Variants in ZYG11B observed in about 807,000 individuals in gnomAD.
The protein encoded by ZYG11B is protein zyg-11 homolog B.
Under a neutral mutation model 82.4 loss-of-function variants are expected in ZYG11B, and 36 were observed. The observed-to-expected ratio is 0.44, with a 90% CI of 0.33 to 0.58. The LOEUF (loss-of-function observed/expected upper bound fraction) is 0.58. Ranked by LOEUF, ZYG11B falls within the 20% of genes least tolerant of loss-of-function variation. The pLI is 0.02. For synonymous variants in ZYG11B, 303 were observed against 312.8 expected (o/e 0.97, Z 0.33); for missense variants, 552 against 895.6 (o/e 0.62, Z 4.90).
Position 52,774,578 on chromosome 1 carries a change from A to AT in ZYG11B, c.951+2806dup, listed in dbSNP as rs1248414226. ...TGCCTCGGCCTCCTAAAGTGCTAGGATTACAGGCGTGAGCCACTGTGCCTG... is the reference window on the plus strand; with the variant it reads ...TGCCTCGGCCTCCTAAAGTGCTAGGATTTACAGGCGTGAGCCACTGTGCCTG... On this transcript the variant is annotated intron_variant, in intron 3 of 13. Coordinates refer to ENST00000294353, the MANE Select transcript of ZYG11B (RefSeq NM_024646.3). Among the ~76,000 whole-genome samples, 13 of 138,776 alleles carry AT rather than the reference A, an allele frequency of 9.4e-5. No homozygotes were observed. The South Asian group carries it at 2.8e-3, about 30-fold the overall frequency. 91.0% of individuals were successfully genotyped at this position (138,776 alleles called of 152,430 possible).
At chr1:52,741,394 C>T (rs1644430772) in intron 1 of ZYG11B, among the ~76,000 whole-genome samples, 1 of 151,126 alleles carries the variant, frequency 6.6e-6, no homozygotes, top group Non-Finnish European at 1.5e-5. Context: ...GATGAGAAGT[C>T]AGAGATATCT....
intron 5 of ZYG11B, among the ~76,000 whole-genome samples, chr1:52,786,457 G>A (rs1644912622): frequency 6.6e-6 from 1 of 152,042 alleles, no homozygotes; most frequent in Non-Finnish European, 1.5e-5. Context: ...TAAAAACAAT[G>A]TTCACAGTAG....
intron 10 of ZYG11B, among the ~76,000 whole-genome samples, chr1:52,804,720 A>C (rs1040211270): frequency 6.6e-6 from 1 of 152,168 alleles, no homozygotes; most frequent in Non-Finnish European, 1.5e-5. Context: ...GTAAAGATCA[A>C]ATGTTTTATC....
intron 5 of ZYG11B, 114 bp from the exon 6 acceptor site, chr1:52,789,889 A>G: frequency 3.0e-6 from 2 of 659,116 alleles, no homozygotes; most frequent in African/African-American, 1.8e-5. Context: ...ATTGTAAGAA[A>G]TAACTGGTGT....
intron 12 of ZYG11B, among the ~76,000 whole-genome samples, chr1:52,814,241 G>A (rs894060632): frequency 6.6e-6 from 1 of 152,128 alleles, no homozygotes. Flanking sequence ...GGCTGGTCTT[G>A]AACTCCTGAC....
chr1:52,791,197 TCCTGACCTCAAGTAATCCAC>T (rs1345405139), intron 6 of ZYG11B, among the ~76,000 whole-genome samples: 1 of 152,028 alleles, frequency 6.6e-6, no homozygotes. Context: ...GGTCTCAAAC[TCCTGACCTCAAGTAATCCAC>T]CCACCTCAGC....
intron 1 of ZYG11B, among the ~76,000 whole-genome samples, chr1:52,738,991 T>A (rs1457075176): frequency 7.0e-6 from 1 of 143,706 alleles, no homozygotes; most frequent in Non-Finnish European, 1.5e-5. Context: ...TAACCTTTTT[T>A]TTTTTTTGGA....
intron 2 of ZYG11B, among the ~76,000 whole-genome samples, chr1:52,766,109 A>AT (rs140243986): frequency 0.1 from 14,311 of 142,928 alleles, 1,666 homozygotes; most frequent in East Asian, 0.35. Flanking sequence ...TCCTTATTAA[A>AT]TTTTTTTTAA....
chr1:52,728,902 T>C (rs1025123859), intron 1 of ZYG11B, among the ~76,000 whole-genome samples: 3 of 151,836 alleles, frequency 2.0e-5, no homozygotes, highest in African/African-American at 7.3e-5. Flanking sequence ...GGAATTAGGA[T>C]GCATTGTAGG....
intron 2 of ZYG11B, among the ~76,000 whole-genome samples, chr1:52,767,311 A>ATGTTATATTACGTTG (rs1644706120): frequency 6.7e-6 from 1 of 149,312 alleles, no homozygotes; most frequent in Non-Finnish European, 1.5e-5. Flanking sequence ...ATTTTATGTT[A>ATGTTATATTACGTTG]TGTTATATTT....
At chr1:52,773,599 CTATATATATATATATATA>C (rs1204746797) in intron 3 of ZYG11B, among the ~76,000 whole-genome samples, 17 of 26,028 alleles carry the variant, frequency 6.5e-4, no homozygotes, top group South Asian at 5.7e-3. Context: ...ATGCTTTAAA[CTATATATATATATATATA>C]TATATATATA....
chr1:52,808,300 G>A (rs904228841), intron 10 of ZYG11B, among the ~76,000 whole-genome samples: 20 of 152,086 alleles, frequency 1.3e-4, no homozygotes, highest in African/African-American at 4.3e-4. Context: ...GGAGACGGAG[G>A]TTGCAGTGAG....
intron 1 of ZYG11B, among the ~76,000 whole-genome samples, chr1:52,734,664 A>G (rs1644363410): frequency 6.6e-6 from 1 of 151,544 alleles, no homozygotes; most frequent in African/African-American, 2.4e-5. Flanking sequence ...AAAAAAAAAA[A>G]GTGATTTGGC....
intron 1 of ZYG11B, among the ~76,000 whole-genome samples, chr1:52,746,692 T>TTTTTTG (rs1644479791): frequency 8.3e-6 from 1 of 119,956 alleles, no homozygotes; most frequent in Non-Finnish European, 1.7e-5. Context: ...CCACTGTTTT[T>TTTTTTG]TTTTTTTTTT....
intron 1 of ZYG11B, among the ~76,000 whole-genome samples, chr1:52,755,551 G>C (rs1021469922): frequency 1.3e-5 from 2 of 152,066 alleles, no homozygotes; most frequent in African/African-American, 4.8e-5. Context: ...GCCCAGGCTA[G>C]AGTGCAATGG....
At chr1:52,728,175 A>T (rs905278047) in intron 1 of ZYG11B, among the ~76,000 whole-genome samples, 14 of 152,168 alleles carry the variant, frequency 9.2e-5, no homozygotes, top group African/African-American at 3.4e-4. Context: ...TGAATGATTC[A>T]CTTTATGGTC....
At chr1:52,740,809 C>T (rs1644422458) in intron 1 of ZYG11B, among the ~76,000 whole-genome samples, 1 of 151,304 alleles carries the variant, frequency 6.6e-6, no homozygotes, top group Non-Finnish European at 1.5e-5. Flanking sequence ...AAGTGATCTG[C>T]TCACCTTGGC....
intron 4 of ZYG11B, among the ~76,000 whole-genome samples, chr1:52,783,985 C>CGTATAT (rs143550867): frequency 6.8e-6 from 1 of 146,154 alleles, no homozygotes; most frequent in African/African-American, 2.5e-5. Flanking sequence ...CACACACACA[C>CGTATAT]ATATATATAT....
intron 8 of ZYG11B, 33 bp downstream of exon 8, chr1:52,796,817 A>G: frequency 1.5e-6 from 2 of 1,368,794 alleles, no homozygotes; most frequent in Non-Finnish European, 1.9e-6. Flanking sequence ...TCAGGCCACT[A>G]GATATTCATG....
Sources: allele counts gnomAD v4.1 joint callset (sites outside exome capture counted in the v4.1 genomes callset), GRCh38; gene constraint gnomAD v4.1.1; transcripts MANE v1.5; gene names NCBI Gene and HGNC (gene_info 2026-07-23, HGNC 2026-07-21).